SRPRB: variants seen among roughly 807,000 people sequenced by gnomAD.
The protein encoded by SRPRB is SRP receptor subunit beta.
In SRPRB, 20 loss-of-function variants were observed where a neutral mutation model predicts 31.9. The observed-to-expected ratio is 0.63, with a 90% CI of 0.44 to 0.91. The LOEUF (loss-of-function observed/expected upper bound fraction) is 0.91, where lower values mean the gene tolerates loss of function less well. Among genes scored for constraint, SRPRB ranks in the 40% least tolerant of loss-of-function variants. The pLI is 0.00. For synonymous variants in SRPRB, 146 were observed against 132.8 expected, an observed-to-expected ratio of 1.10 and a Z score of -0.68; for missense variants, 321 against 324.9, an observed-to-expected ratio of 0.99 and a Z score of 0.09.
Position 133,816,901 on chromosome 3 carries a change from A to G in SRPRB, c.571A>G (p.Lys191Glu). Reference protein sequence around the residue: ...KQDIAMAKSAKLIQQQLEKEL... With the variant: ...KQDIAMAKSAELIQQQLEKEL... Reference sequence around the variant, plus strand: ...AGATATTGCAATGGCAAAATCAGCAAAGTTAATTCAACAGCAGCTGGAGAA... The same window carrying G: ...AGATATTGCAATGGCAAAATCAGCAGAGTTAATTCAACAGCAGCTGGAGAA... The change falls in exon 6 of 7, where the codon AAG (lysine) becomes GAG (glutamate). Residue 191 changes from lysine (K) to glutamate (E), a missense_variant. By Grantham distance (56) the Lys-to-Glu change is moderately conservative. Transcript: ENST00000678299. 1 of 1,610,576 alleles carries G rather than the reference A, an allele frequency of 6.2e-7. No individual in the cohort carries two copies. The highest frequency in any genetic ancestry group is 1.1e-5 in the South Asian group (1 of 90,220).
intron 1 of SRPRB, chr3:133,790,342 G>T (rs1934801232): frequency 6.6e-6 from 1 of 152,120 alleles, no homozygotes. Context: ...GGTTACTAAG[G>T]ATAAGAATTC....
At chr3:133,807,249 ATT>A (rs60049102) in intron 2 of SRPRB, among the ~76,000 whole-genome samples, 7,145 of 114,104 alleles carry the variant, frequency 0.063, 70 homozygotes, top group Non-Finnish European at 0.077. Flanking sequence ...AAATACCTCC[ATT>A]TTTTTTTTTT....
intron 1 of SRPRB, among the ~76,000 whole-genome samples, chr3:133,797,440 G>A (rs1210779668): frequency 1.3e-5 from 2 of 152,196 alleles, no homozygotes; most frequent in Non-Finnish European, 2.9e-5. Context: ...ATGCTACTGT[G>A]TATAAAGTGG....
At chr3:133,827,653 C>T, downstream of SRPRB, 1 of 546,034 alleles carries the variant, frequency 1.8e-6, no homozygotes, top group Admixed American at 3.2e-5. Context: ...GAAAACATAG[C>T]AACAAATCAG....
intron 4 of SRPRB, among the ~76,000 whole-genome samples, chr3:133,811,804 G>C (rs375037892): frequency 2.6e-5 from 4 of 151,996 alleles, no homozygotes; most frequent in East Asian, 3.9e-4. Context: ...GGCTTGTCTC[G>C]AACTCCTGAC....
At chr3:133,823,087 A>G (rs1935500099), downstream of SRPRB, among the ~76,000 whole-genome samples, 2 of 152,160 alleles carry the variant, frequency 1.3e-5, no homozygotes, top group Admixed American at 6.5e-5. Context: ...TGTGAGCTCC[A>G]TCACTGCTGC....
intron 1 of SRPRB, among the ~76,000 whole-genome samples, chr3:133,799,588 A>G (rs1372021101): frequency 6.6e-6 from 1 of 152,182 alleles, no homozygotes; most frequent in African/African-American, 2.4e-5. Flanking sequence ...ATGAAGATCT[A>G]TTACCTCAAT....
chr3:133,819,026 C>T (rs1307704411), intron 6 of SRPRB, among the ~76,000 whole-genome samples: 4 of 151,988 alleles, frequency 2.6e-5, no homozygotes, highest in South Asian at 2.1e-4. Flanking sequence ...CAGCAGGTGG[C>T]AGTAAGGGGA....
intron 2 of SRPRB, among the ~76,000 whole-genome samples, chr3:133,807,524 A>T (rs1222665867): frequency 6.6e-6 from 1 of 152,166 alleles, no homozygotes; most frequent in African/African-American, 2.4e-5. Flanking sequence ...TTTGGCCACT[A>T]ACTGTCTTTT....
intron 3 of SRPRB, chr3:133,810,660 T>C (rs1935243987): frequency 6.6e-6 from 1 of 152,482 alleles, no homozygotes; most frequent in Non-Finnish European, 1.5e-5. Context: ...GTAAGAGTAA[T>C]ATGCTCTATG....
At chr3:133,815,799 T>C in intron 5 of SRPRB, 73 bp downstream of exon 5, 2 of 1,534,168 alleles carry the variant, frequency 1.3e-6, no homozygotes, top group Non-Finnish European at 1.8e-6. Flanking sequence ...ATTTCCATTA[T>C]TTACAGTTGT....
downstream of SRPRB, among the ~76,000 whole-genome samples, chr3:133,824,044 A>ATCTT (rs1935516336): frequency 6.6e-6 from 1 of 152,196 alleles, no homozygotes; most frequent in Non-Finnish European, 1.5e-5. Flanking sequence ...AGTGTGTCCC[A>ATCTT]TCTTTACCCC....
chr3:133,815,177 C>A (rs988259344), intron 4 of SRPRB, among the ~76,000 whole-genome samples: 2 of 152,206 alleles, frequency 1.3e-5, no homozygotes, highest in African/African-American at 4.8e-5. Context: ...TTCCAGACAG[C>A]CTGTGCCCCA....
chr3:133,802,062 G>C (rs1410442260), upstream of SRPRB, among the ~76,000 whole-genome samples: 1 of 152,162 alleles, frequency 6.6e-6, no homozygotes, highest in East Asian at 1.9e-4. Context: ...CCCTGCTTCA[G>C]TTTCCCCTCT....
At chr3:133,819,102 T>C (rs929394366) in intron 6 of SRPRB, among the ~76,000 whole-genome samples, 1 of 152,146 alleles carries the variant, frequency 6.6e-6, no homozygotes, top group Non-Finnish European at 1.5e-5. Flanking sequence ...TAGTTAGATA[T>C]GAGAATCTGG....
At chr3:133,787,712 T>A (rs1934722956) in intron 1 of SRPRB, 1 of 152,188 alleles carries the variant, frequency 6.6e-6, no homozygotes, top group Admixed American at 6.5e-5. Flanking sequence ...ACTAGAAAAT[T>A]TCAGTTTATC....
chr3:133,818,346 T>C (rs1211957851), intron 6 of SRPRB, among the ~76,000 whole-genome samples: 1 of 152,198 alleles, frequency 6.6e-6, no homozygotes, highest in African/African-American at 2.4e-5. Context: ...AGAAAAACAA[T>C]ACAGAAGCCA....
At chr3:133,784,957 G>GC (rs1934620608) in intron 1 of SRPRB, 2 of 80,176 alleles carry the variant, frequency 2.5e-5, no homozygotes, top group African/African-American at 3.4e-5. Flanking sequence ...GGGGGGGTCA[G>GC]CCCCCCGCCT....
chr3:133,824,260 ATTG>A (rs1267397179), downstream of SRPRB: 2 of 152,194 alleles, frequency 1.3e-5, no homozygotes, highest in Admixed American at 1.3e-4. Flanking sequence ...AGGACAGTTT[ATTG>A]TTTGACCAAC....
Sources: gnomAD v4.1 joint callset for allele counts (sites outside exome capture counted in the v4.1 genomes callset) on GRCh38, gnomAD v4.1.1 for gene constraint, MANE v1.5 for transcripts, NCBI Gene and HGNC (gene_info 2026-07-23, HGNC 2026-07-21) for gene names.